The following COLEC12 variants were observed in gnomAD, a reference collection of about 807,000 sequenced individuals.
COLEC12 encodes collectin subfamily member 12.
Under a neutral mutation model 71.1 loss-of-function variants are expected in COLEC12, and 33 were observed. The ratio of observed to expected loss-of-function variants is 0.46; its 90% CI spans 0.35 to 0.62. The LOEUF is 0.62. Among genes scored for constraint, COLEC12 ranks in the 20% least tolerant of loss-of-function variants. COLEC12 has a pLI of 0.00. For synonymous variants in COLEC12, 350 were observed against 353.0 expected, an observed-to-expected ratio of 0.99 and a Z score of 0.10; for missense variants, 765 against 916.1, an observed-to-expected ratio of 0.84 and a Z score of 2.13.
chr18:440,378 TACAC>T lies in COLEC12; in HGVS notation c.58+40325_58+40328del, dbSNP rs142637035. On this transcript the variant is annotated intron_variant, in intron 2 of 9. Coordinates refer to ENST00000400256, the MANE Select transcript of COLEC12 (RefSeq NM_130386.3). ...TGTTCTCAACACACACACACACACA[TACAC>T]ACACACACACACACACACATACACA... Among the ~76,000 whole-genome samples, 972 of 121,160 alleles carry T rather than the reference TACAC, an allele frequency of 8.0e-3. 1 individual carries two copies. Among genetic ancestry groups the T allele is most frequent in the Non-Finnish European group, 0.012 (620 of 53,742 alleles). The allele number at this position is 121,160 out of a possible 152,430, so 79.5% of individuals were successfully genotyped here.
Position 335,041 on chromosome 18 carries a change from C to A in COLEC12, c.1517G>T (p.Gly506Val). The A allele has an allele frequency of 6.2e-7, 1 of 1,600,922 alleles. No individual in the cohort carries two copies. The highest frequency in any genetic ancestry group is 8.5e-7 in the Non-Finnish European group (1 of 1,175,860). ...RGGKGSKGSQ[G>V]PKGSRGSPGK... ...AGGGGAACCACGGGAGCCTTTGGGGCCCTGGGAGCCTTTAGATCCTTTGCC... is the reference window on the plus strand; with the variant it reads ...AGGGGAACCACGGGAGCCTTTGGGGACCTGGGAGCCTTTAGATCCTTTGCC... Residue 506 changes from glycine to valine, a missense_variant, in exon 6 of 10, where the codon GGC becomes GTC. Coordinates refer to ENST00000400256, the MANE Select transcript of COLEC12 (RefSeq NM_130386.3).
intron 2 of COLEC12, among the ~76,000 whole-genome samples, chr18:382,244 T>G (rs890123343): frequency 6.6e-6 from 1 of 152,224 alleles, no homozygotes; most frequent in East Asian, 1.9e-4. Context: ...TAATTCACCC[T>G]TCCTGTGTTA....
At chr18:425,480 T>G (rs1916182012) in intron 2 of COLEC12, among the ~76,000 whole-genome samples, 1 of 152,126 alleles carries the variant, frequency 6.6e-6, no homozygotes, top group South Asian at 2.1e-4. Context: ...GGGCCAGAGC[T>G]TTTCCTTCCC....
At chr18:492,740 TTTTTG>T (rs959666947) in intron 1 of COLEC12, among the ~76,000 whole-genome samples, 11 of 152,174 alleles carry the variant, frequency 7.2e-5, no homozygotes, top group Non-Finnish European at 1.2e-4. Context: ...CCGATACGTC[TTTTTG>T]TTTTGAAATC....
chr18:391,360 G>C (rs1915460213), intron 2 of COLEC12, among the ~76,000 whole-genome samples: 1 of 152,160 alleles, frequency 6.6e-6, no homozygotes, highest in Non-Finnish European at 1.5e-5. Flanking sequence ...CCACAATTTG[G>C]GGGTGGATTG....
At chr18:369,296 A>G (rs1449041906) in intron 2 of COLEC12, among the ~76,000 whole-genome samples, 1 of 152,166 alleles carries the variant, frequency 6.6e-6, no homozygotes, top group South Asian at 2.1e-4. Context: ...GTCCATATAG[A>G]CTAATTACTT....
Position 335,230 on chromosome 18 carries a change from C to A in COLEC12, c.1328G>T (p.Gly443Val). The change falls in exon 6 of 10, where the codon GGT (glycine) becomes GTT (valine). Residue 443 changes from glycine (G) to valine (V), a missense_variant and splice_region_variant. Transcript: ENST00000400256. ...TCTTGGACCCCTGGGGCCCGGTGGACCTAAAGCATAAAAGAAAAAGGTGTC... is the reference window on the plus strand; with the variant it reads ...TCTTGGACCCCTGGGGCCCGGTGGAACTAAAGCATAAAAGAAAAAGGTGTC... ...QLIKNFTILQ[G>V]PPGPRGPRGD... 6.4e-7 allele frequency: 1 copy of A among 1,573,140 alleles called. No homozygotes were observed. Among genetic ancestry groups the A allele is most frequent in the Admixed American group, 2.1e-5 (1 of 47,442 alleles).
chr18:474,578 T>C (rs541424724), intron 2 of COLEC12, among the ~76,000 whole-genome samples: 66 of 152,272 alleles, frequency 4.3e-4, no homozygotes, highest in African/African-American at 1.5e-3. Flanking sequence ...ATAAAGATTA[T>C]GAAATCTCCT....
At chr18:388,146 A>G (rs977486688) in intron 2 of COLEC12, among the ~76,000 whole-genome samples, 3 of 152,220 alleles carry the variant, frequency 2.0e-5, no homozygotes, top group Non-Finnish European at 4.4e-5. Context: ...CAGGAGGGGT[A>G]AGGAACAAAA....
intron 2 of COLEC12, among the ~76,000 whole-genome samples, chr18:470,476 G>A (rs1012115500): frequency 6.6e-6 from 1 of 151,628 alleles, no homozygotes; most frequent in Non-Finnish European, 1.5e-5. Flanking sequence ...CTCAAGTGAT[G>A]CACTCCCTTT....
chr18:476,782 A>G (rs1917314195), intron 2 of COLEC12, among the ~76,000 whole-genome samples: 3 of 152,248 alleles, frequency 2.0e-5, no homozygotes, highest in Non-Finnish European at 2.9e-5. Flanking sequence ...TATCATATCT[A>G]TGGAAAATAA....
In COLEC12 at chr18:319,218, C is replaced by T. The variant is rs1003395137; in HGVS notation, c.*827G>A. The T allele has an allele frequency of 6.6e-6, 1 of 151,672 alleles. No individual in the cohort carries two copies. The highest frequency in any genetic ancestry group is 1.9e-4 in the East Asian group (1 of 5,170). The allele number at this position is 151,672 out of a possible 1,614,324, so 9.4% of individuals were successfully genotyped here. On this transcript the variant is annotated 3_prime_UTR_variant, in exon 10 of 10. Transcript: ENST00000400256. ...GTGATGGGCTCAAGGCAGGCACAGC[C>T]CGCTTCACTGTGCATGTGTGCAGGC...
chr18:490,470 A>C (rs1917600335), intron 1 of COLEC12, among the ~76,000 whole-genome samples: 1 of 152,226 alleles, frequency 6.6e-6, no homozygotes, highest in Admixed American at 6.5e-5. Flanking sequence ...ATGGAAAATG[A>C]AATGAAGGTG....
intron 2 of COLEC12, among the ~76,000 whole-genome samples, chr18:475,142 A>AAC (rs1357929950): frequency 6.6e-6 from 1 of 152,176 alleles, no homozygotes; most frequent in Non-Finnish European, 1.5e-5. Context: ...ACATAAATGA[A>AAC]ACTCTCCCCT....
At chr18:397,204 T>C (rs879700309) in intron 2 of COLEC12, among the ~76,000 whole-genome samples, 1 of 152,200 alleles carries the variant, frequency 6.6e-6, no homozygotes, top group African/African-American at 2.4e-5. Flanking sequence ...ATTCAGACTT[T>C]GTTTGCAGGC....
At chr18:348,347 C>G (rs1914432703) in intron 3 of COLEC12, among the ~76,000 whole-genome samples, 184 bp from the exon 4 acceptor site, 1 of 152,016 alleles carries the variant, frequency 6.6e-6, no homozygotes, top group South Asian at 2.1e-4. Flanking sequence ...GTCACAAAAC[C>G]CAGGGGTACA....
chr18:412,862 A>G (rs1915919256), intron 2 of COLEC12, among the ~76,000 whole-genome samples: 1 of 152,212 alleles, frequency 6.6e-6, no homozygotes, highest in African/African-American at 2.4e-5. Flanking sequence ...AATCCTAAAA[A>G]TTGTTCAGAT....
At chr18:405,204 C>G (rs1915761534) in intron 2 of COLEC12, among the ~76,000 whole-genome samples, 1 of 152,212 alleles carries the variant, frequency 6.6e-6, no homozygotes, top group South Asian at 2.1e-4. Flanking sequence ...CACCGCTGAA[C>G]ATAGACCCTT....
At chr18:395,802 T>G (rs1915558612) in intron 2 of COLEC12, among the ~76,000 whole-genome samples, 1 of 152,174 alleles carries the variant, frequency 6.6e-6, no homozygotes, top group Middle Eastern at 3.4e-3. Context: ...ACTCAAAGAG[T>G]GTAGAAGATG....
Sources: allele counts gnomAD v4.1 joint callset (sites outside exome capture counted in the v4.1 genomes callset), GRCh38; gene constraint gnomAD v4.1.1; transcripts MANE v1.5; gene names NCBI Gene and HGNC (gene_info 2026-07-23, HGNC 2026-07-21).